SLCO2B1: variants seen among roughly 807,000 people sequenced by gnomAD.
SLCO2B1 encodes the protein solute carrier organic anion transporter family member 2B1.
Under a neutral mutation model 67.3 loss-of-function variants are expected in SLCO2B1, and 41 were observed. The ratio of observed to expected loss-of-function variants is 0.61; its 90% confidence interval spans 0.47 to 0.79. The LOEUF (loss-of-function observed/expected upper bound fraction) is 0.79, where lower values mean the gene tolerates loss of function less well. Among genes scored for constraint, SLCO2B1 ranks in the 30% least tolerant of loss-of-function variants. SLCO2B1 has a pLI of 0.00. For missense variants in SLCO2B1, 837 were observed against 920.1 expected, an observed-to-expected ratio of 0.91 and a Z score of 1.17; for synonymous variants, 379 against 381.4, an observed-to-expected ratio of 0.99 and a Z score of 0.07.
At chr11:75,198,249 T>G (rs545677750) in intron 10 of SLCO2B1, among the ~76,000 whole-genome samples, 1 of 152,316 alleles carries the variant, frequency 6.6e-6, no homozygotes, top group South Asian at 2.1e-4. Flanking sequence ...CAAATCCTTC[T>G]TAGGCCTCTA....
At chr11:75,182,719 G>A (rs1041035376) in intron 7 of SLCO2B1, among the ~76,000 whole-genome samples, 2 of 152,020 alleles carry the variant, frequency 1.3e-5, no homozygotes, top group Non-Finnish European at 2.9e-5. Context: ...TCCAATCTGG[G>A]GGACACAGCA....
chr11:75,172,588 A>C lies in SLCO2B1; in HGVS notation c.972+19A>C. The C allele has an allele frequency of 6.2e-7, 1 of 1,604,474 alleles. No individual in the cohort carries two copies. The highest frequency in any genetic ancestry group is 8.5e-7 in the Non-Finnish European group (1 of 1,172,720). Reference sequence around the variant, plus strand: ...CAGGAAGGTAAGCTCCCTCCATGTCACCTGACTGGGTCCAGGCTCCAGCAC... The same window carrying C: ...CAGGAAGGTAAGCTCCCTCCATGTCCCCTGACTGGGTCCAGGCTCCAGCAC... On this transcript the variant is annotated intron_variant, in intron 7 of 13. Coordinates refer to ENST00000289575, the MANE Select transcript of SLCO2B1 (RefSeq NM_007256.5).
intron 7 of SLCO2B1, among the ~76,000 whole-genome samples, chr11:75,184,691 C>T (rs373799590): frequency 1.3e-5 from 2 of 152,314 alleles, no homozygotes; most frequent in African/African-American, 2.4e-5. Context: ...CTGCATCCTG[C>T]CACTTGGAGG....
chr11:75,171,747 G>C lies in SLCO2B1; in HGVS notation c.782-632G>C, dbSNP rs1382825541. Among the ~76,000 whole-genome samples the C allele has an allele frequency of 2.0e-5, 3 of 152,134 alleles. No individual in the cohort carries two copies. In the South Asian group the frequency reaches 6.2e-4, roughly 31 times the overall value. ...CATCTGGGGAACTTGTTAAAGGTAC[G>C]GGTTCCTTGGTCACCTTCCCACCCC... On this transcript the variant is annotated intron_variant, in intron 6 of 13. Transcript: ENST00000289575.
chr11:75,187,027 T>C (rs1175353098), intron 7 of SLCO2B1, among the ~76,000 whole-genome samples: 2 of 152,244 alleles, frequency 1.3e-5, no homozygotes, highest in Non-Finnish European at 2.9e-5. Flanking sequence ...TGTCTCAGTT[T>C]TATCACCTGA....
Position 75,200,340 on chromosome 11 carries a change from G to C in SLCO2B1, c.1716G>C (p.Ser572=), listed in dbSNP as rs184750503. The part of the protein sequence containing the change: ...VPFLLLVSLG[S]ALACLTHTPS... ...TCCTGCTCCTGGTCAGCCTGGGCTC[G>C]GCCCTGGCCTGTCTCACCCACACAC... is the stretch of plus-strand genomic sequence containing the variant. The change falls in exon 11 of 14, where the codon TCG becomes TCC. Residue 572 remains serine (S), a synonymous_variant. Transcript: ENST00000289575. The C allele has an allele frequency of 1.9e-6, 3 of 1,612,722 alleles. No homozygotes were observed. Among genetic ancestry groups the C allele is most frequent in the Non-Finnish European group, 2.5e-6 (3 of 1,179,612 alleles).
At position 75,196,623 on chromosome 11, in the gene SLCO2B1, C is replaced by A. The variant is rs776356585; in HGVS notation, c.1543C>A (p.Pro515Thr). 5.6e-6 allele frequency: 9 copies of A among 1,613,940 alleles called. No individual in the cohort carries two copies. In the Admixed American group the frequency reaches 8.3e-5, roughly 15 times the overall value. The change falls in exon 10 of 14, where the codon CCC becomes ACC. Residue 515 changes from proline to threonine, a missense_variant. Coordinates refer to ENST00000289575, the MANE Select transcript of SLCO2B1 (RefSeq NM_007256.5). ...CAGCACTCGTGTGGAATACATCACA[C>A]CCTGCCACGCAGGCTGCTCAAGCTG... Reference protein sequence around the residue: ...DPSTRVEYITPCHAGCSSWVV... With the variant: ...DPSTRVEYITTCHAGCSSWVV...
chr11:75,193,444 G>T lies in SLCO2B1; in HGVS notation c.1302G>T (p.Arg434=). 1 of 1,613,586 alleles carries T rather than the reference G, an allele frequency of 6.2e-7. No individual in the cohort carries two copies. Residue 434 remains arginine, a synonymous_variant, in exon 9 of 14, where the codon CGG becomes CGT. Coordinates refer to ENST00000289575, the MANE Select transcript of SLCO2B1 (RefSeq NM_007256.5). The surrounding 1 kb of genome is among the most constrained non-coding windows in gnomAD (Gnocchi z 4.2). ...GIVVGGVLVK[R]LHLGPVGCGA... is the part of the protein sequence containing the mutation. Reference sequence around the variant, plus strand: ...TGGTGGGTGGCGTCCTGGTCAAGCGGCTCCACCTGGGCCCTGTGGGATGCG... The same window carrying T: ...TGGTGGGTGGCGTCCTGGTCAAGCGTCTCCACCTGGGCCCTGTGGGATGCG...
chr11:75,183,198 A>G (rs1950109380), intron 7 of SLCO2B1, among the ~76,000 whole-genome samples: 1 of 152,238 alleles, frequency 6.6e-6, no homozygotes, highest in African/African-American at 2.4e-5. Context: ...AAATATTCTT[A>G]TTTTAACATA....
intron 8 of SLCO2B1, among the ~76,000 whole-genome samples, chr11:75,191,830 C>A (rs556699408): frequency 6.6e-6 from 1 of 152,178 alleles, no homozygotes; most frequent in South Asian, 2.1e-4. Context: ...CAGAAAATGT[C>A]CTTGACACTT....
At chr11:75,188,601 C>T (rs1944973164) in intron 8 of SLCO2B1, among the ~76,000 whole-genome samples, 1 of 152,180 alleles carries the variant, frequency 6.6e-6, no homozygotes, top group Non-Finnish European at 1.5e-5. Flanking sequence ...TGGTGGGCAC[C>T]TGTAGTCTCA....
intron 1 of SLCO2B1, among the ~76,000 whole-genome samples, chr11:75,153,732 G>C (rs1949716555): frequency 6.6e-6 from 1 of 152,116 alleles, no homozygotes. Context: ...GCAACATCTT[G>C]GGAAGTTAAG....
chr11:75,164,067 CCA>C lies in SLCO2B1; in HGVS notation c.253_254del (p.Gln85AspfsTer65). 5.6e-6 allele frequency: 9 copies of C among 1,608,736 alleles called. No individual in the cohort carries two copies. Among genetic ancestry groups the C allele is most frequent in the Non-Finnish European group, 7.6e-6 (9 of 1,177,776 alleles). On this transcript the variant is annotated frameshift_variant, in exon 3 of 14. Transcript: ENST00000289575. LOFTEE classifies it high-confidence loss of function. The part of the protein sequence containing the change: ...TVEKRFGLSS[Q>X]TSGLLASFNE... ...TGGAGAAGCGCTTCGGCCTCTCCAG[CCA>C]GACGTCGGGGCTGCTGGCCTCCTTC...
At chr11:75,185,634 C>T (rs1306713075) in intron 7 of SLCO2B1, among the ~76,000 whole-genome samples, 1 of 149,696 alleles carries the variant, frequency 6.7e-6, no homozygotes, top group Non-Finnish European at 1.5e-5. Context: ...AGAGGGTTCT[C>T]GGCTCTCACA....
chr11:75,172,174 T>G (rs182788367), intron 6 of SLCO2B1, among the ~76,000 whole-genome samples: 3 of 152,120 alleles, frequency 2.0e-5, no homozygotes, highest in Admixed American at 1.3e-4. Context: ...TATACTGCCT[T>G]GGTAGTTGAA....
chr11:75,182,718 G>C (rs1293925486), intron 7 of SLCO2B1, among the ~76,000 whole-genome samples: 1 of 152,040 alleles, frequency 6.6e-6, no homozygotes. Context: ...CTCCAATCTG[G>C]GGGACACAGC....
chr11:75,168,262 A>C (rs1949916762), intron 4 of SLCO2B1, among the ~76,000 whole-genome samples: 2 of 152,130 alleles, frequency 1.3e-5, no homozygotes, highest in Admixed American at 6.5e-5. Context: ...GCCTCTGTCA[A>C]AGTCACACAG....
intron 4 of SLCO2B1, among the ~76,000 whole-genome samples, chr11:75,166,632 A>G (rs1949895986): frequency 6.7e-6 from 1 of 149,476 alleles, no homozygotes; most frequent in Non-Finnish European, 1.5e-5. Context: ...CGATCCATCC[A>G]CCTACTACTC....
intron 6 of SLCO2B1, 70 bp downstream of exon 6, chr11:75,169,834 C>A (rs766923444): frequency 1.5e-6 from 2 of 1,314,274 alleles, no homozygotes; most frequent in Non-Finnish European, 2.2e-6. Context: ...AGACATTGAG[C>A]CAGGGGACCT....
Sources: allele counts gnomAD v4.1 joint callset (sites outside exome capture counted in the v4.1 genomes callset), GRCh38; gene constraint gnomAD v4.1.1; non-coding constraint Gnocchi (gnomAD v3.1); transcripts MANE v1.5; gene names NCBI Gene and HGNC (gene_info 2026-07-23, HGNC 2026-07-21).